COMMD1: variants seen among roughly 807,000 people sequenced by gnomAD.
COMMD1 encodes the protein COMM domain-containing protein 1.
In COMMD1, 10 loss-of-function variants were observed where a neutral mutation model predicts 17.2. That is an observed-to-expected ratio of 0.58 (90% CI 0.36 to 0.99). COMMD1 has a LOEUF of 0.99. Among genes scored for constraint, COMMD1 ranks in the 50% least tolerant of loss-of-function variants. The pLI is 0.01. For missense variants in COMMD1, 270 were observed against 231.8 expected, an observed-to-expected ratio of 1.17 and a Z score of -1.07; for synonymous variants, 97 against 91.6, an observed-to-expected ratio of 1.06 and a Z score of -0.34.
chr2:62,103,280 A>G (rs1040116759), intron 2 of COMMD1, among the ~76,000 whole-genome samples: 3 of 152,158 alleles, frequency 2.0e-5, no homozygotes, highest in African/African-American at 2.4e-5. Context: ...CCGGCCTCCA[A>G]TCGTATTTCT....
At chr2:62,025,072 T>C (rs1487944881) in intron 2 of COMMD1, among the ~76,000 whole-genome samples, 1 of 151,868 alleles carries the variant, frequency 6.6e-6, no homozygotes, top group Non-Finnish European at 1.5e-5. Flanking sequence ...ATGCAAAAAT[T>C]AGCCAGGCAT....
intron 1 of COMMD1, among the ~76,000 whole-genome samples, chr2:61,957,096 G>A (rs1671219353): frequency 6.7e-6 from 1 of 148,296 alleles, no homozygotes; most frequent in Admixed American, 6.7e-5. Flanking sequence ...GCGTGTGTGT[G>A]TGTGTGTGTG....
intron 2 of COMMD1, among the ~76,000 whole-genome samples, chr2:62,105,683 G>C (rs1348433920): frequency 6.6e-6 from 1 of 152,116 alleles, no homozygotes; most frequent in Non-Finnish European, 1.5e-5. Context: ...AATTAGCTGG[G>C]GTGGTGGCAG....
intron 2 of COMMD1, among the ~76,000 whole-genome samples, chr2:62,075,394 G>A (rs1467449320): frequency 2.0e-5 from 3 of 152,070 alleles, no homozygotes; most frequent in African/African-American, 7.2e-5. Context: ...TATCACAGTC[G>A]CTACCCCCAC....
intron 2 of COMMD1, among the ~76,000 whole-genome samples, chr2:62,049,317 A>G (rs1037562279): frequency 9.9e-5 from 15 of 152,046 alleles, no homozygotes; most frequent in African/African-American, 3.1e-4. Flanking sequence ...TTTTGGGAAA[A>G]TCCCAAATAA....
chr2:61,912,733 C>CAAA (rs149353922), intron 1 of COMMD1, among the ~76,000 whole-genome samples: 2 of 70,720 alleles, frequency 2.8e-5, no homozygotes, highest in Non-Finnish European at 2.9e-5. Flanking sequence ...GACTCCATCT[C>CAAA]AAAAAAAAAA....
In COMMD1 at chr2:61,997,487, G is replaced by A. The variant is rs189726696; in HGVS notation, c.181-3214G>A. 2.1e-3 allele frequency among the ~76,000 whole-genome samples: 316 copies of A among 152,270 alleles called. 2 individuals are homozygous for A. The highest frequency in any genetic ancestry group is 6.8e-3 in the African/African-American group (284 of 41,564). On this transcript the variant is annotated intron_variant, in intron 1 of 2. Coordinates refer to ENST00000311832, the MANE Select transcript of COMMD1 (RefSeq NM_152516.4). ...CATCTCCTTGTACGTCTCCATCAGA[G>A]CTCTTGAGTGACTACGTGCATTGTT... is the stretch of plus-strand genomic sequence containing the variant.
At chr2:62,060,709 G>C (rs147449037) in intron 2 of COMMD1, among the ~76,000 whole-genome samples, 108 of 152,186 alleles carry the variant, frequency 7.1e-4, no homozygotes, top group African/African-American at 2.3e-3. Context: ...TGAAAATCTT[G>C]TTATTTCATC....
At chr2:61,985,317 T>C (rs1672077344) in intron 1 of COMMD1, among the ~76,000 whole-genome samples, 1 of 152,240 alleles carries the variant, frequency 6.6e-6, no homozygotes, top group South Asian at 2.1e-4. Flanking sequence ...CCCAAAGTGC[T>C]GGGATTACAG....
intron 1 of COMMD1, among the ~76,000 whole-genome samples, chr2:61,937,964 G>A (rs532222021): frequency 2.0e-5 from 3 of 152,198 alleles, no homozygotes; most frequent in Admixed American, 2.0e-4. Context: ...ACTCTCATGC[G>A]ACAGTCCCTG....
intron 2 of COMMD1, among the ~76,000 whole-genome samples, chr2:62,129,676 C>T (rs1672972271): frequency 6.6e-6 from 1 of 152,184 alleles, no homozygotes; most frequent in South Asian, 2.1e-4. Flanking sequence ...TTCAAGGAGC[C>T]ATTGCCAATT....
chr2:62,045,059 G>A (rs1670341819), intron 2 of COMMD1, among the ~76,000 whole-genome samples: 1 of 152,172 alleles, frequency 6.6e-6, no homozygotes, highest in South Asian at 2.1e-4. Flanking sequence ...GGCTGGCCAT[G>A]TGGGAAAACC....
chr2:61,982,650 A>G (rs896782583), intron 1 of COMMD1, among the ~76,000 whole-genome samples: 1 of 152,042 alleles, frequency 6.6e-6, no homozygotes, highest in Non-Finnish European at 1.5e-5. Context: ...ATAGTGAGGT[A>G]TGTTCTTTCT....
At chr2:62,084,462 T>C (rs1671605456) in intron 2 of COMMD1, among the ~76,000 whole-genome samples, 1 of 152,164 alleles carries the variant, frequency 6.6e-6, no homozygotes, top group Non-Finnish European at 1.5e-5. Flanking sequence ...CTCATAAAGC[T>C]CTTCATCCTT....
At chr2:62,089,283 T>C (rs1178009749) in intron 2 of COMMD1, among the ~76,000 whole-genome samples, 9 of 151,274 alleles carry the variant, frequency 5.9e-5, no homozygotes, top group South Asian at 2.1e-4. Context: ...TTTCTTTCTT[T>C]TTTTTTTTTT....
intron 2 of COMMD1, among the ~76,000 whole-genome samples, chr2:62,100,893 G>T (rs1672161375): frequency 6.6e-6 from 1 of 152,164 alleles, no homozygotes; most frequent in Non-Finnish European, 1.5e-5. Context: ...GGATGGCTTT[G>T]CAGGGACATT....
In COMMD1 at chr2:62,126,916, T is replaced by C. The variant is rs150039578; in HGVS notation, c.463-8915T>C. ...AGAGAAAGAAATAAAGGTATTCAAA[T>C]AGGAAGAGAGGAAGTCAAATTGTCT... On this transcript the variant is annotated intron_variant, in intron 2 of 2. Transcript: ENST00000311832. Among the ~76,000 whole-genome samples, 376 of 152,256 alleles carry C rather than the reference T, an allele frequency of 2.5e-3. 3 individuals carry two copies. Among genetic ancestry groups the C allele is most frequent in the African/African-American group, 8.6e-3 (356 of 41,536 alleles).
At chr2:62,006,144 A>G (rs923814820) in intron 2 of COMMD1, among the ~76,000 whole-genome samples, 1 of 136,478 alleles carries the variant, frequency 7.3e-6, no homozygotes, top group Non-Finnish European at 1.5e-5. Flanking sequence ...GAATTGAACA[A>G]TGAGAACACA....
intron 2 of COMMD1, among the ~76,000 whole-genome samples, chr2:62,056,507 A>G (rs555511907): frequency 2.0e-5 from 3 of 152,226 alleles, no homozygotes; most frequent in Non-Finnish European, 2.9e-5. Context: ...AGCGAACTCA[A>G]TCTGTCACTT....
Sources: allele counts gnomAD v4.1 joint callset (sites outside exome capture counted in the v4.1 genomes callset), GRCh38; gene constraint gnomAD v4.1.1; transcripts MANE v1.5; gene names NCBI Gene and HGNC (gene_info 2026-07-23, HGNC 2026-07-21).